JAK2: variants seen among roughly 807,000 people sequenced by gnomAD.
JAK2 encodes Janus kinase 2, also known as tyrosine-protein kinase JAK2.
In JAK2, 86 loss-of-function variants were observed where a neutral mutation model predicts 139.3. That is an observed-to-expected ratio of 0.62 (90% CI 0.52 to 0.74). JAK2 has a LOEUF of 0.74. Among genes scored for constraint, JAK2 ranks in the 30% least tolerant of loss-of-function variants. The probability of loss-of-function intolerance (pLI) is 0.00; values close to 1 mark genes in which losing one functional copy is unlikely to be tolerated. For synonymous variants in JAK2, 490 were observed against 437.7 expected (o/e 1.12, Z -1.49); for missense variants, 1,421 against 1,360.3 (o/e 1.04, Z -0.70).
intron 22 of JAK2, chr9:5,109,746 T>G (rs1376674187): frequency 6.6e-6 from 1 of 152,220 alleles, no homozygotes; most frequent in African/African-American, 2.4e-5. Flanking sequence ...CCATAATATT[T>G]ATTCTAGTAG....
At chr9:5,002,106 T>G (rs757462278) in intron 2 of JAK2, among the ~76,000 whole-genome samples, 3 of 151,946 alleles carry the variant, frequency 2.0e-5, no homozygotes, top group Non-Finnish European at 2.9e-5. Flanking sequence ...TTATCAACTT[T>G]TTAAATCTTT....
chr9:5,050,203 C>G lies in JAK2; in HGVS notation c.469-483C>G, dbSNP rs186876066. ...TATATGTACTCTGTAATTGGGAACC[C>G]AGTGTAAATCAGTTTCCATTTGCAA... On this transcript the variant is annotated intron_variant, in intron 5 of 24. Transcript: ENST00000381652. 5.9e-5 allele frequency among the ~76,000 whole-genome samples: 9 copies of G among 152,222 alleles called. No homozygotes were observed. In the East Asian group the frequency reaches 1.5e-3, roughly 26 times the overall value.
intron 13 of JAK2, 119 bp downstream of exon 13, chr9:5,072,745 G>C (rs1457014537): frequency 1.6e-6 from 1 of 642,040 alleles, no homozygotes; most frequent in Non-Finnish European, 2.3e-6. Flanking sequence ...ATGTGTCAAG[G>C]ACTTTTCTGA....
chr9:5,088,789 A>G (rs1820324594), intron 19 of JAK2, among the ~76,000 whole-genome samples: 1 of 152,194 alleles, frequency 6.6e-6, no homozygotes, highest in African/African-American at 2.4e-5. Context: ...AGATTGCTCT[A>G]ATGTCTCTTC....
At chr9:5,036,512 C>T (rs1007908605) in intron 4 of JAK2, among the ~76,000 whole-genome samples, 2 of 152,198 alleles carry the variant, frequency 1.3e-5, no homozygotes, top group African/African-American at 4.8e-5. Context: ...CAGCATGGTA[C>T]TGGTATCAAA....
intron 10 of JAK2, among the ~76,000 whole-genome samples, chr9:5,067,682 G>A (rs978534542): frequency 6.6e-6 from 1 of 151,884 alleles, no homozygotes; most frequent in Non-Finnish European, 1.5e-5. Flanking sequence ...TATGTTCACT[G>A]TATGTGCCAA....
At chr9:5,041,046 A>G (rs1375217265) in intron 4 of JAK2, 2 of 681,386 alleles carry the variant, frequency 2.9e-6, no homozygotes, top group Non-Finnish European at 2.7e-6. Context: ...CAAGCAGCTC[A>G]GCGCCATAGA....
rs1564019092 is a variant in JAK2 at position 5,114,452 on chromosome 9, C to T, written c.3060-8552C>T. ...ACCAGTGCAGGGTGACCCACACCCA[C>T]CTGCAGTCCACGACCAAGATCAGCG... On this transcript the variant is annotated intron_variant, in intron 22 of 24. Transcript: ENST00000381652. 3 of 477,856 alleles carry T rather than the reference C, an allele frequency of 6.3e-6. No individual in the cohort carries two copies. The East Asian group carries it at 1.6e-4, about 25-fold the overall frequency. The allele number at this position is 477,856 out of a possible 1,614,324, so 29.6% of individuals were successfully genotyped here.
At chr9:5,048,171 T>C (rs969969576) in intron 5 of JAK2, among the ~76,000 whole-genome samples, 6 of 152,022 alleles carry the variant, frequency 3.9e-5, no homozygotes, top group Non-Finnish European at 8.8e-5. Flanking sequence ...AGATGGAGTC[T>C]CCCACTGTTG....
At chr9:4,990,349 G>A (rs1820169520) in intron 2 of JAK2, among the ~76,000 whole-genome samples, 1 of 152,170 alleles carries the variant, frequency 6.6e-6, no homozygotes, top group African/African-American at 2.4e-5. Flanking sequence ...TTTGATTAAT[G>A]GCAGTTACTA....
At chr9:4,993,375 C>G (rs1227672321) in intron 2 of JAK2, among the ~76,000 whole-genome samples, 1 of 152,194 alleles carries the variant, frequency 6.6e-6, no homozygotes, top group African/African-American at 2.4e-5. Context: ...AAAGATTGTT[C>G]TGAGTCCATT....
chr9:5,072,248 G>A (rs939369779), intron 12 of JAK2, among the ~76,000 whole-genome samples: 1 of 150,832 alleles, frequency 6.6e-6, no homozygotes, highest in Non-Finnish European at 1.5e-5. Context: ...GCCCATTCAG[G>A]AGATTTCAAA....
chr9:5,093,739 C>T (rs762355611), intron 22 of JAK2, among the ~76,000 whole-genome samples: 4 of 152,170 alleles, frequency 2.6e-5, no homozygotes, highest in Non-Finnish European at 4.4e-5. Flanking sequence ...CTAGGGATAA[C>T]AGTGCAATCC....
intron 5 of JAK2, among the ~76,000 whole-genome samples, chr9:5,048,211 G>A (rs150940759): frequency 0.012 from 1,754 of 151,630 alleles, 34 homozygotes; most frequent in African/African-American, 0.038. Flanking sequence ...GCGTGATCTC[G>A]GCTCACTGCA....
At chr9:5,053,810 C>A (rs1333786728) in intron 6 of JAK2, among the ~76,000 whole-genome samples, 1 of 151,760 alleles carries the variant, frequency 6.6e-6, no homozygotes, top group Admixed American at 6.6e-5. Flanking sequence ...GAATGAGGTC[C>A]AGAAAGGCTT....
chr9:5,049,154 C>T (rs1817239265), intron 5 of JAK2, among the ~76,000 whole-genome samples: 1 of 152,116 alleles, frequency 6.6e-6, no homozygotes, highest in Admixed American at 6.5e-5. Context: ...TATTTCGTAT[C>T]TGAGCCATAC....
chr9:5,111,054 A>T, intron 22 of JAK2: 1 of 1,046,130 alleles, frequency 9.6e-7, no homozygotes, highest in Non-Finnish European at 1.4e-6. Context: ...TCAGAGGTTC[A>T]GGTCTTGAGA....
At chr9:5,103,025 T>A (rs201183765) in intron 22 of JAK2, among the ~76,000 whole-genome samples, 1 of 150,920 alleles carries the variant, frequency 6.6e-6, no homozygotes, top group East Asian at 1.9e-4. Flanking sequence ...TAATAACAGG[T>A]TCAAATTCAC....
chr9:5,004,648 A>G (rs963782254), intron 2 of JAK2, among the ~76,000 whole-genome samples: 1 of 152,164 alleles, frequency 6.6e-6, no homozygotes, highest in African/African-American at 2.4e-5. Context: ...AATACCCAGA[A>G]GTGGGATTGC....
Sources: allele counts gnomAD v4.1 joint callset (sites outside exome capture counted in the v4.1 genomes callset), GRCh38; gene constraint gnomAD v4.1.1; transcripts MANE v1.5; gene names NCBI Gene and HGNC (gene_info 2026-07-23, HGNC 2026-07-21).